MACROD2: variants seen among roughly 807,000 people sequenced by gnomAD.
MACROD2 encodes ADP-ribose glycohydrolase MACROD2.
MACROD2 carries 36 observed loss-of-function variants against 70.4 expected under a neutral mutation model. The observed-to-expected ratio is 0.51, with a 90% CI of 0.39 to 0.68. MACROD2 has a LOEUF of 0.68. Ranked by LOEUF, MACROD2 falls within the 30% of genes least tolerant of loss-of-function variation. The pLI is 0.00. For synonymous variants in MACROD2, 172 were observed against 178.8 expected, an observed-to-expected ratio of 0.96 and a Z score of 0.30; for missense variants, 496 against 538.4, an observed-to-expected ratio of 0.92 and a Z score of 0.78.
intron 4 of MACROD2, among the ~76,000 whole-genome samples, chr20:14,520,952 T>A (rs367778722): frequency 8.7e-6 from 1 of 114,758 alleles, no homozygotes; most frequent in African/African-American, 3.7e-5. Flanking sequence ...CACGCGTGCG[T>A]GCGCGCACAC....
At chr20:14,752,055 T>C (rs2071879072) in intron 5 of MACROD2, among the ~76,000 whole-genome samples, 1 of 151,122 alleles carries the variant, frequency 6.6e-6, no homozygotes, top group African/African-American at 2.4e-5. Context: ...TCCAGCTTTC[T>C]CAAGACCTGG....
intron 5 of MACROD2, among the ~76,000 whole-genome samples, chr20:14,906,562 A>T (rs928394112): frequency 6.6e-5 from 10 of 152,188 alleles, no homozygotes; most frequent in African/African-American, 2.4e-4. Context: ...ACTTCCTAAT[A>T]GCTTGCTTCT....
At chr20:15,857,329 A>G (rs1473086678) in intron 8 of MACROD2, among the ~76,000 whole-genome samples, 2 of 152,192 alleles carry the variant, frequency 1.3e-5, no homozygotes, top group Non-Finnish European at 2.9e-5. Flanking sequence ...AAAGCGGGAG[A>G]GAACAAAGAC....
chr20:15,546,428 A>T (rs2048027202), intron 8 of MACROD2, among the ~76,000 whole-genome samples: 1 of 152,200 alleles, frequency 6.6e-6, no homozygotes, highest in Admixed American at 6.5e-5. Context: ...CTCCATAGCT[A>T]TTAAGTGATA....
rs190603603 is a variant in MACROD2 at position 14,063,400 on chromosome 20, A to G, written c.164-22221A>G. Among the ~76,000 whole-genome samples, 15 of 152,304 alleles carry G rather than the reference A, an allele frequency of 9.8e-5. No individual in the cohort carries two copies. The East Asian group carries it at 2.7e-3, about 27-fold the overall frequency. ...CCACCTCGTGGGGCATTAATGATCT[A>G]TGCTCAATTTTAGGCACATCCATAT... On this transcript the variant is annotated intron_variant, in intron 2 of 17. Transcript: ENST00000684519.
chr20:14,474,516 A>G (rs1481774599), intron 3 of MACROD2, among the ~76,000 whole-genome samples: 1 of 152,076 alleles, frequency 6.6e-6, no homozygotes, highest in Non-Finnish European at 1.5e-5. Flanking sequence ...ACTCTGATGT[A>G]TCTTTGTTGA....
chr20:15,921,247 T>C (rs2065401287), intron 10 of MACROD2, among the ~76,000 whole-genome samples: 1 of 152,162 alleles, frequency 6.6e-6, no homozygotes, highest in Non-Finnish European at 1.5e-5. Context: ...CGTACTAAAT[T>C]ACTGTGACTC....
At chr20:15,131,980 C>A (rs2076109319) in intron 5 of MACROD2, among the ~76,000 whole-genome samples, 1 of 151,736 alleles carries the variant, frequency 6.6e-6, no homozygotes, top group Non-Finnish European at 1.5e-5. Flanking sequence ...ATACTATATA[C>A]AAGAAATAAT....
chr20:15,198,967 T>C (rs1277296617), intron 5 of MACROD2, among the ~76,000 whole-genome samples: 1 of 151,976 alleles, frequency 6.6e-6, no homozygotes, highest in East Asian at 1.9e-4. Flanking sequence ...AGTGGCTTCA[T>C]TGAGCATTTT....
chr20:15,239,218 G>A (rs1005105070), intron 6 of MACROD2, among the ~76,000 whole-genome samples: 8 of 140,514 alleles, frequency 5.7e-5, no homozygotes, highest in Admixed American at 2.2e-4. Context: ...CAATTGCAAT[G>A]TATGGAATCT....
At chr20:14,903,039 CT>C (rs11483540) in intron 5 of MACROD2, among the ~76,000 whole-genome samples, 14,811 of 116,474 alleles carry the variant, frequency 0.13, 640 homozygotes, top group East Asian at 0.24. Flanking sequence ...TTTTCTTTCC[CT>C]TTTTTTTTTT....
chr20:15,185,065 T>G (rs1471501441), intron 5 of MACROD2, among the ~76,000 whole-genome samples: 1 of 152,182 alleles, frequency 6.6e-6, no homozygotes, highest in Non-Finnish European at 1.5e-5. Context: ...GACACTTTGT[T>G]GATTGCATGC....
rs11475740 is a variant in MACROD2 at position 14,382,060 on chromosome 20, A to ATT, written c.272-111401_272-111400dup. Among the ~76,000 whole-genome samples the ATT allele has an allele frequency of 6.1e-3, 750 of 122,468 alleles. 11 individuals are homozygous for ATT. The highest frequency in any genetic ancestry group is 0.017 in the African/African-American group (569 of 32,782). 80.3% of individuals were successfully genotyped at this position (122,468 alleles called of 152,430 possible). ...TACCACATATACTATAATGGGATTG[A>ATT]TTTTTTTTTTTTTTTTTTTGAGATG... On this transcript the variant is annotated intron_variant, in intron 3 of 17. Transcript: ENST00000684519.
intron 8 of MACROD2, among the ~76,000 whole-genome samples, chr20:15,832,918 G>A (rs1378173923): frequency 6.6e-6 from 1 of 152,222 alleles, no homozygotes. Flanking sequence ...AATTCTGATG[G>A]AAGGAAGATG....
intron 8 of MACROD2, among the ~76,000 whole-genome samples, chr20:15,576,818 A>G (rs1297006433): frequency 2.0e-5 from 3 of 152,190 alleles, no homozygotes; most frequent in Admixed American, 1.3e-4. Flanking sequence ...TAATTTCCCC[A>G]AGTTATCTTT....
At chr20:14,806,097 T>C (rs2072635288) in intron 5 of MACROD2, among the ~76,000 whole-genome samples, 1 of 152,112 alleles carries the variant, frequency 6.6e-6, no homozygotes. Context: ...AGTTGGAAGG[T>C]CTTATTTCCT....
chr20:14,169,971 G>A (rs1378340149), intron 3 of MACROD2, among the ~76,000 whole-genome samples: 1 of 151,952 alleles, frequency 6.6e-6, no homozygotes, highest in Non-Finnish European at 1.5e-5. Context: ...ACGGCTCACT[G>A]CAATCTCCAC....
In MACROD2 at chr20:15,513,213, G is replaced by A. The variant is rs967919983; in HGVS notation, c.645+13366G>A. On this transcript the variant is annotated intron_variant, in intron 8 of 17. Transcript: ENST00000684519. Reference sequence around the variant, plus strand: ...GCCTTTTTGTCTAGAGGCAGGAAATGGCCATTTGCCAGCAGCAAGCGAACC... The same window carrying A: ...GCCTTTTTGTCTAGAGGCAGGAAATAGCCATTTGCCAGCAGCAAGCGAACC... Among the ~76,000 whole-genome samples the A allele has an allele frequency of 2.6e-5, 4 of 152,340 alleles. 1 individual carries two copies.
Position 15,975,270 on chromosome 20 carries a change from C to T in MACROD2, c.985+7640C>T, listed in dbSNP as rs75426574. On this transcript the variant is annotated intron_variant, in intron 13 of 17. Transcript: ENST00000684519. ...TTAGTGGAAATAGGGTTTCCAAACA[C>T]GCTCGCATAATATTCGTGGGAGACT... is the stretch of plus-strand genomic sequence containing the variant. Among the ~76,000 whole-genome samples, 771 of 152,120 alleles carry T rather than the reference C, an allele frequency of 5.1e-3. 4 individuals are homozygous for T. Among genetic ancestry groups the T allele is most frequent in the African/African-American group, 0.016 (672 of 41,530 alleles).
Sources: gnomAD v4.1 joint callset for allele counts (sites outside exome capture counted in the v4.1 genomes callset) on GRCh38, gnomAD v4.1.1 for gene constraint, MANE v1.5 for transcripts, NCBI Gene and HGNC (gene_info 2026-07-23, HGNC 2026-07-21) for gene names.